TMEM178B: variants seen among roughly 807,000 people sequenced by gnomAD.
The protein encoded by TMEM178B is transmembrane protein 178B.
Under a neutral mutation model 31.0 loss-of-function variants are expected in TMEM178B, and 5 were observed. That is an observed-to-expected ratio of 0.16 (90% CI 0.08 to 0.34). The LOEUF (loss-of-function observed/expected upper bound fraction) is 0.34. TMEM178B is among the 10% of genes least tolerant of loss of function. TMEM178B has a pLI of 1.00. For synonymous variants in TMEM178B, 164 were observed against 164.0 expected, an observed-to-expected ratio of 1.00 and a Z score of 0.00; for missense variants, 275 against 400.3, an observed-to-expected ratio of 0.69 and a Z score of 2.67.
At chr7:141,169,775 G>A (rs1355424348) in intron 1 of TMEM178B, among the ~76,000 whole-genome samples, 3 of 152,126 alleles carry the variant, frequency 2.0e-5, no homozygotes, top group African/African-American at 4.8e-5. Context: ...AATTTTCCAC[G>A]TTTTGATTTT....
chr7:141,098,618 G>A (rs1795003799), intron 1 of TMEM178B, among the ~76,000 whole-genome samples: 1 of 152,190 alleles, frequency 6.6e-6, no homozygotes, highest in South Asian at 2.1e-4. Context: ...ATAAAATGGA[G>A]ATTATATTTG....
At chr7:141,276,201 C>T (rs1026711273) in intron 2 of TMEM178B, among the ~76,000 whole-genome samples, 4 of 152,048 alleles carry the variant, frequency 2.6e-5, no homozygotes, top group East Asian at 1.9e-4. Context: ...CATAGAGAGC[C>T]GGGTGTGCCT....
At chr7:141,423,766 G>A (rs189878797) in intron 2 of TMEM178B, among the ~76,000 whole-genome samples, 1 of 151,868 alleles carries the variant, frequency 6.6e-6, no homozygotes, top group East Asian at 1.9e-4. Flanking sequence ...TAGTTAAAGG[G>A]GCAGATTTGA....
At chr7:141,499,507 T>C in the TMEM178B span, among the ~76,000 whole-genome samples, 1,323 of 148,358 alleles carry the variant, frequency 8.9e-3, 14 homozygotes, top group African/African-American at 0.026. Context: ...GACATTGTGG[T>C]GCATGCCTGT....
At chr7:141,091,094 A>G (rs1437531542) in intron 1 of TMEM178B, among the ~76,000 whole-genome samples, 1 of 152,192 alleles carries the variant, frequency 6.6e-6, no homozygotes, top group Non-Finnish European at 1.5e-5. Flanking sequence ...TATGACCCCC[A>G]TAACTCCTGG....
intron 2 of TMEM178B, among the ~76,000 whole-genome samples, chr7:141,310,745 T>C (rs1380765590): frequency 6.6e-6 from 1 of 152,162 alleles, no homozygotes; most frequent in African/African-American, 2.4e-5. Flanking sequence ...AGTGTAGCAA[T>C]TACTCAAAGA....
At chr7:141,506,718 A>C in the TMEM178B span, among the ~76,000 whole-genome samples, 1 of 152,154 alleles carries the variant, frequency 6.6e-6, no homozygotes, top group African/African-American at 2.4e-5. Context: ...CCTTCCCAAC[A>C]GTCCTCCAAA....
At chr7:141,152,629 A>T (rs1795995480) in intron 1 of TMEM178B, among the ~76,000 whole-genome samples, 1 of 152,146 alleles carries the variant, frequency 6.6e-6, no homozygotes, top group Non-Finnish European at 1.5e-5. Context: ...GAGCAAGAAC[A>T]TTAGCAGGGA....
At chr7:141,509,483 C>T in the TMEM178B span, among the ~76,000 whole-genome samples, 1 of 152,138 alleles carries the variant, frequency 6.6e-6, no homozygotes, top group African/African-American at 2.4e-5. Flanking sequence ...AACCCCGTCT[C>T]TACTAAAAGG....
At chr7:141,248,985 T>C (rs1354050155) in intron 2 of TMEM178B, among the ~76,000 whole-genome samples, 1 of 152,226 alleles carries the variant, frequency 6.6e-6, no homozygotes, top group Non-Finnish European at 1.5e-5. Flanking sequence ...GTCTCTCCTA[T>C]TGTGACTTTA....
At chr7:141,433,031 A>T (rs113111790) in intron 2 of TMEM178B, among the ~76,000 whole-genome samples, 8 of 152,120 alleles carry the variant, frequency 5.3e-5, no homozygotes, top group African/African-American at 1.7e-4. Context: ...CAATGCTAAA[A>T]CTCAACATCC....
At chr7:141,335,914 T>C (rs1441518796) in intron 2 of TMEM178B, among the ~76,000 whole-genome samples, 3 of 152,334 alleles carry the variant, frequency 2.0e-5, no homozygotes, top group Non-Finnish European at 1.5e-5. Flanking sequence ...CCGGGCTCTA[T>C]GCGTGAAGTT....
intron 1 of TMEM178B, among the ~76,000 whole-genome samples, chr7:141,091,589 T>A (rs755308712): frequency 9.9e-5 from 15 of 152,152 alleles, no homozygotes; most frequent in Non-Finnish European, 2.1e-4. Flanking sequence ...TCAGAGACCA[T>A]AATGGCTTCT....
intron 2 of TMEM178B, among the ~76,000 whole-genome samples, chr7:141,268,607 C>A (rs1454245066): frequency 6.6e-6 from 1 of 152,196 alleles, no homozygotes; most frequent in Non-Finnish European, 1.5e-5. Context: ...AATGAATGCC[C>A]AAACTGTTGC....
intron 2 of TMEM178B, among the ~76,000 whole-genome samples, chr7:141,284,725 G>A (rs1798416426): frequency 6.6e-6 from 1 of 152,182 alleles, no homozygotes; most frequent in Non-Finnish European, 1.5e-5. Flanking sequence ...TGTTACACGA[G>A]TGAATGACCA....
intron 1 of TMEM178B, among the ~76,000 whole-genome samples, chr7:141,140,882 A>T (rs759479683): frequency 2.0e-5 from 3 of 152,180 alleles, no homozygotes; most frequent in African/African-American, 4.8e-5. Context: ...AATGTGATTT[A>T]TGAATGTTGA....
intron 3 of TMEM178B, among the ~76,000 whole-genome samples, chr7:141,465,225 G>T (rs1308207306): frequency 2.6e-5 from 4 of 152,186 alleles, no homozygotes; most frequent in Non-Finnish European, 5.9e-5. Flanking sequence ...TGCATCAGTA[G>T]CTCTCCCCAG....
intron 1 of TMEM178B, among the ~76,000 whole-genome samples, chr7:141,141,676 G>C (rs1290774976): frequency 6.6e-6 from 1 of 152,086 alleles, no homozygotes; most frequent in East Asian, 1.9e-4. Flanking sequence ...ATGAAACCTG[G>C]CCAGGAAGCA....
intron 2 of TMEM178B, among the ~76,000 whole-genome samples, chr7:141,244,415 A>C (rs541284810): frequency 6.6e-6 from 1 of 152,336 alleles, no homozygotes; most frequent in South Asian, 2.1e-4. Context: ...ACTGGAGAGA[A>C]AGGAAGATGA....
Sources: allele counts gnomAD v4.1 joint callset (sites outside exome capture counted in the v4.1 genomes callset), GRCh38; gene constraint gnomAD v4.1.1; transcripts MANE v1.5; gene names NCBI Gene and HGNC (gene_info 2026-07-23, HGNC 2026-07-21).